PHF21B: variants seen among roughly 807,000 people sequenced by gnomAD.
PHF21B encodes the protein PHD finger protein 21B.
A neutral mutation model predicts 62.2 loss-of-function variants in PHF21B; 22 were observed. The observed-to-expected ratio is 0.35, with a 90% CI of 0.25 to 0.51. The LOEUF is 0.51. Ranked by LOEUF, PHF21B falls within the 20% of genes least tolerant of loss-of-function variation. The pLI is 0.97. For synonymous variants in PHF21B, 341 were observed against 314.7 expected, an observed-to-expected ratio of 1.08 and a Z score of -0.88; for missense variants, 701 against 707.9, an observed-to-expected ratio of 0.99 and a Z score of 0.11.
intron 2 of PHF21B, among the ~76,000 whole-genome samples, chr22:44,957,903 ATTTTT>A (rs11312000): frequency 7.2e-6 from 1 of 138,242 alleles, no homozygotes; most frequent in Non-Finnish European, 1.6e-5. Context: ...ACCACTGGAC[ATTTTT>A]TTTTTTTTTT....
chr22:44,887,449 C>T (rs529424509), intron 10 of PHF21B, among the ~76,000 whole-genome samples: 14 of 152,252 alleles, frequency 9.2e-5, no homozygotes, highest in African/African-American at 2.9e-4. Flanking sequence ...TGGATGCTGG[C>T]GGAATATCTC....
chr22:45,008,474 T>C (rs879405285), intron 2 of PHF21B, 71 bp downstream of exon 2: 99 of 1,415,290 alleles, frequency 7.0e-5, no homozygotes, highest in Middle Eastern at 6.0e-4. Context: ...CTGGCACTTT[T>C]TAGGGCGCCG....
chr22:45,008,775 GC>G (rs2073373468), intron 1 of PHF21B, 165 bp from the exon 2 acceptor site: 2 of 1,153,654 alleles, frequency 1.7e-6, no homozygotes, highest in Non-Finnish European at 2.1e-6. Context: ...GCCGGGCAGT[GC>G]CGCGCGGGGC....
At chr22:44,965,261 T>C (rs959180375) in intron 2 of PHF21B, among the ~76,000 whole-genome samples, 24 of 152,084 alleles carry the variant, frequency 1.6e-4, no homozygotes, top group African/African-American at 5.1e-4. Context: ...CCTGCTTGTA[T>C]GTGGATGGCC....
chr22:44,925,922 C>T (rs545386271), intron 2 of PHF21B, among the ~76,000 whole-genome samples: 15 of 152,356 alleles, frequency 9.8e-5, no homozygotes, highest in African/African-American at 2.9e-4. Context: ...GGCCCCAGGC[C>T]AGCCCAGACT....
Position 44,990,264 on chromosome 22 carries a change from T to A in PHF21B, c.120+18281A>T, listed in dbSNP as rs1345950097. ...CTTCAGGCTTCTCTCCACTGAGGGT[T>A]TGCCCAGGAAGAAAAGCACAAGTCC... is the stretch of plus-strand genomic sequence containing the variant. On this transcript the variant is annotated intron_variant, in intron 2 of 12. Transcript: ENST00000313237. 2.0e-5 allele frequency among the ~76,000 whole-genome samples: 3 copies of A among 152,204 alleles called. No individual in the cohort carries two copies. The East Asian group carries it at 5.8e-4, about 29-fold the overall frequency.
At chr22:44,922,329 C>A (rs539516202) in intron 2 of PHF21B, among the ~76,000 whole-genome samples, 2 of 152,238 alleles carry the variant, frequency 1.3e-5, no homozygotes, top group South Asian at 4.1e-4. Flanking sequence ...CAGGATAGAA[C>A]AATATATAAA....
intron 2 of PHF21B, among the ~76,000 whole-genome samples, chr22:44,956,243 GA>G (rs1411996999): frequency 2.6e-5 from 4 of 152,214 alleles, no homozygotes; most frequent in African/African-American, 9.6e-5. Flanking sequence ...TTGCCTGGGG[GA>G]GAAGCTGAGC....
In PHF21B at chr22:45,009,365, C is replaced by G. The variant is rs528156407; in HGVS notation, c.54+131G>C. 61 of 958,336 alleles carry G rather than the reference C, an allele frequency of 6.4e-5. No homozygotes were observed. In the South Asian group the frequency reaches 1.0e-3, roughly 16 times the overall value. The allele number at this position is 958,336 out of a possible 1,614,324, so 59.4% of individuals were successfully genotyped here. The stretch of plus-strand genomic sequence containing the variant: ...TCCGCGCGTGTGCTCACTCCCTCGC[C>G]CCCCGCCCCCGGGCAGGCTCCAGCC... On this transcript the variant is annotated intron_variant, in intron 1 of 12. Transcript: ENST00000313237. The surrounding 1 kb of genome is among the most constrained non-coding windows in gnomAD (Gnocchi z 5.9).
intron 2 of PHF21B, among the ~76,000 whole-genome samples, chr22:44,974,519 T>C (rs1169465715): frequency 6.6e-6 from 1 of 152,020 alleles, no homozygotes; most frequent in Non-Finnish European, 1.5e-5. Context: ...TACCCACATG[T>C]GTTGGTACCA....
intron 5 of PHF21B, among the ~76,000 whole-genome samples, chr22:44,897,209 G>A (rs2071076794): frequency 6.6e-6 from 1 of 151,950 alleles, no homozygotes; most frequent in Non-Finnish European, 1.5e-5. Context: ...TCATGACACT[G>A]TATTGTCTAC....
Position 44,885,920 on chromosome 22 carries a change from C to G in PHF21B, c.1216G>C (p.Gly406Arg). The G allele has an allele frequency of 6.2e-7, 1 of 1,614,086 alleles. No homozygotes were observed. Among genetic ancestry groups the G allele is most frequent in the Non-Finnish European group, 8.5e-7 (1 of 1,179,986 alleles). The change falls in exon 11 of 13, where the codon GGT (glycine) becomes CGT (arginine). Residue 406 changes from glycine to arginine, a missense_variant. Gly to Arg is a moderately radical substitution (Grantham distance 125, BLOSUM62 -2). Transcript: ENST00000313237. ...CQQKALKKDE[G>R]VPWTGMLAIV... ...GCCAGCATCCCAGTCCAGGGCACAC[C>G]CTCGTCTTTCTTTAAGGCCTGGGGA... is the stretch of plus-strand genomic sequence containing the variant.
At chr22:44,915,501 C>T (rs1332560729) in intron 4 of PHF21B, among the ~76,000 whole-genome samples, 1 of 152,202 alleles carries the variant, frequency 6.6e-6, no homozygotes, top group Non-Finnish European at 1.5e-5. Flanking sequence ...CACCATGGCC[C>T]ATGACAACTC....
intron 2 of PHF21B, among the ~76,000 whole-genome samples, chr22:44,983,741 T>C (rs5766257): frequency 0.9 from 136,338 of 152,248 alleles, 61,115 homozygotes; most frequent in Middle Eastern, 0.94. Flanking sequence ...CATCACAGAC[T>C]GTTTACAAAC....
chr22:44,960,509 C>G (rs1330512687), intron 2 of PHF21B, among the ~76,000 whole-genome samples: 1 of 152,140 alleles, frequency 6.6e-6, no homozygotes, highest in East Asian at 1.9e-4. Flanking sequence ...CATGGGTGAC[C>G]TGGGCTGCTG....
At chr22:44,937,868 C>G (rs1451624745) in intron 2 of PHF21B, among the ~76,000 whole-genome samples, 1 of 152,258 alleles carries the variant, frequency 6.6e-6, no homozygotes, top group East Asian at 1.9e-4. Flanking sequence ...GCTCAAGAAG[C>G]AGCAAAACTA....
At chr22:44,940,151 G>A (rs1465164436) in intron 2 of PHF21B, among the ~76,000 whole-genome samples, 1 of 152,162 alleles carries the variant, frequency 6.6e-6, no homozygotes, top group East Asian at 1.9e-4. Flanking sequence ...CCTCCACCAG[G>A]GCAGGTGCCA....
chr22:44,885,720 G>C (rs566657942), intron 11 of PHF21B, 143 bp downstream of exon 11: 2 of 1,066,292 alleles, frequency 1.9e-6, no homozygotes, highest in Non-Finnish European at 1.4e-6. Flanking sequence ...ACACAGGACC[G>C]GTCCCAGGAT....
chr22:44,917,266 C>A (rs2071454828), intron 3 of PHF21B, among the ~76,000 whole-genome samples: 1 of 152,318 alleles, frequency 6.6e-6, no homozygotes, highest in South Asian at 2.1e-4. Context: ...TGGTGACACA[C>A]CTGAACTGGG....
Sources: gnomAD v4.1 joint callset for allele counts (sites outside exome capture counted in the v4.1 genomes callset) on GRCh38, gnomAD v4.1.1 for gene constraint, Gnocchi (gnomAD v3.1) non-coding constraint, MANE v1.5 for transcripts, NCBI Gene and HGNC (gene_info 2026-07-23, HGNC 2026-07-21) for gene names.